Variants in PDZD8 observed in about 807,000 individuals in gnomAD.
PDZD8 encodes PDZ domain containing 8, also known as PDZ domain-containing protein 8.
In PDZD8, 14 loss-of-function variants were observed where a neutral mutation model predicts 85.8. The observed-to-expected ratio is 0.16, with a 90% confidence interval of 0.11 to 0.26. The LOEUF (loss-of-function observed/expected upper bound fraction) is 0.26, where lower values mean the gene tolerates loss of function less well. Among genes scored for constraint, PDZD8 ranks in the 10% least tolerant of loss-of-function variants. The pLI, the probability that PDZD8 is intolerant of heterozygous loss-of-function variation, is 1.00. For missense variants in PDZD8, 1,197 were observed against 1,424.3 expected (o/e 0.84, Z 2.57); for synonymous variants, 592 against 568.6 (o/e 1.04, Z -0.59).
At chr10:117,339,267 G>A (rs1007105371) in intron 2 of PDZD8, among the ~76,000 whole-genome samples, 1 of 152,032 alleles carries the variant, frequency 6.6e-6, no homozygotes, top group Non-Finnish European at 1.5e-5. Flanking sequence ...ATTATGGGTT[G>A]GAAATAAAAG....
intron 3 of PDZD8, among the ~76,000 whole-genome samples, chr10:117,304,705 T>C (rs936133976): frequency 6.6e-6 from 1 of 152,130 alleles, no homozygotes; most frequent in African/African-American, 2.4e-5. Context: ...GCAAATAGTC[T>C]CAAGAGATCT....
intron 3 of PDZD8, among the ~76,000 whole-genome samples, chr10:117,294,443 C>A (rs560069501): frequency 6.6e-6 from 1 of 151,986 alleles, no homozygotes; most frequent in African/African-American, 2.4e-5. Flanking sequence ...AAAAACAGTA[C>A]AGTGGTTCCT....
intron 2 of PDZD8, among the ~76,000 whole-genome samples, chr10:117,324,232 A>AAAAAAGAC (rs1278760915): frequency 2.1e-5 from 3 of 146,096 alleles, no homozygotes; most frequent in African/African-American, 8.1e-5. Flanking sequence ...AAAAAAAAAA[A>AAAAAAGAC]AAGACAAGAG....
At position 117,375,050 on chromosome 10, in the gene PDZD8, G is replaced by C. The variant is rs761634561; in HGVS notation, c.178C>G (p.Leu60Val). The C allele has an allele frequency of 1.0e-5, 16 of 1,599,572 alleles. No individual in the cohort carries two copies. The highest frequency in any genetic ancestry group is 1.3e-5 in the Non-Finnish European group (15 of 1,174,812). The part of the protein sequence containing the change: ...PVPGLLLREY[L>V]YGGGRDEEPS... ...TCCTCATCCCGGCCGCCGCCATAAA[G>C]GTACTCCCTTAGGAGCAGGCCCGGC... Residue 60 changes from leucine (L) to valine (V), a missense_variant, in exon 1 of 5, where the codon CTT becomes GTT. Physicochemically the swap from Leu to Val is conservative, Grantham distance 32. This residue lies in a region of PDZD8 where 172 missense variants were observed against 137.8 expected (regional missense o/e 1.25). Coordinates refer to ENST00000334464, the MANE Select transcript of PDZD8 (RefSeq NM_173791.5).
At chr10:117,324,437 C>T (rs1844281434) in intron 2 of PDZD8, among the ~76,000 whole-genome samples, 1 of 151,962 alleles carries the variant, frequency 6.6e-6, no homozygotes, top group Non-Finnish European at 1.5e-5. Context: ...ATTTCTTTGT[C>T]AATTGCTGAT....
At chr10:117,291,505 G>C (rs921005442) in intron 3 of PDZD8, among the ~76,000 whole-genome samples, 6 of 144,658 alleles carry the variant, frequency 4.1e-5, no homozygotes, top group Non-Finnish European at 7.5e-5. Flanking sequence ...CTCCAGCCCG[G>C]GCAACAAAGC....
intron 2 of PDZD8, among the ~76,000 whole-genome samples, chr10:117,330,331 A>G (rs1806529263): frequency 6.6e-6 from 1 of 152,142 alleles, no homozygotes; most frequent in African/African-American, 2.4e-5. Context: ...GAACACTCCT[A>G]CAGGGAAATC....
In PDZD8 at chr10:117,285,360, A is replaced by G. The variant is rs1362598966; in HGVS notation, c.1373T>C (p.Leu458Pro). Reference protein sequence around the residue: ...PVGQSNQGAVLQDNFGQLEEN... With the variant: ...PVGQSNQGAVPQDNFGQLEEN... ...TTCCAACTGGCCAAAGTTATCTTGC[A>G]GCACTGCACCTTGATTACTCTGGCC... The change falls in exon 5 of 5, where the codon CTG (leucine) becomes CCG (proline). Residue 458 changes from leucine (L) to proline (P), a missense_variant. Leu to Pro is a moderately conservative substitution (Grantham distance 98). Coordinates refer to ENST00000334464, the MANE Select transcript of PDZD8 (RefSeq NM_173791.5). 2 of 1,614,182 alleles carry G rather than the reference A, an allele frequency of 1.2e-6. No homozygotes were observed. The highest frequency in any genetic ancestry group is 1.7e-6 in the Non-Finnish European group (2 of 1,180,038).
chr10:117,289,288 G>A (rs1477597927), intron 4 of PDZD8, among the ~76,000 whole-genome samples: 1 of 152,202 alleles, frequency 6.6e-6, no homozygotes, highest in African/African-American at 2.4e-5. Flanking sequence ...TTGTCAAGGT[G>A]GATTTGAATC....
At chr10:117,350,042 C>A (rs1039548509) in intron 1 of PDZD8, among the ~76,000 whole-genome samples, 1 of 152,060 alleles carries the variant, frequency 6.6e-6, no homozygotes. Context: ...GTATAGCTAA[C>A]ACTTATTACA....
At chr10:117,292,009 T>C (rs1844776056) in intron 3 of PDZD8, among the ~76,000 whole-genome samples, 1 of 152,194 alleles carries the variant, frequency 6.6e-6, no homozygotes, top group Non-Finnish European at 1.5e-5. Context: ...ATGAGGGACT[T>C]TGCCAAATAC....
intron 3 of PDZD8, among the ~76,000 whole-genome samples, chr10:117,300,633 C>T (rs570755204): frequency 6.6e-6 from 1 of 152,134 alleles, no homozygotes; most frequent in South Asian, 2.1e-4. Flanking sequence ...ATGTGTTCCC[C>T]CATCCCCAAC....
In PDZD8 at chr10:117,375,267, A is replaced by C. The variant is rs770824473; in HGVS notation, c.-40T>G. The C allele has an allele frequency of 4.2e-6, 6 of 1,420,792 alleles. No homozygotes were observed. The Admixed American group carries it at 1.7e-4, about 41-fold the overall frequency. The allele number at this position is 1,420,792 out of a possible 1,614,324, so 88.0% of individuals were successfully genotyped here. A position where few individuals can be genotyped will look rare whatever the true frequency, so the allele number is the denominator to read the frequency against. On this transcript the variant is annotated 5_prime_UTR_variant, in exon 1 of 5. Transcript: ENST00000334464. ...CGCCCGGGCCCCTACTCCCGCGCCC[A>C]CAGCGCCGCTTTCTTCACGCCGCCG...
At chr10:117,295,545 C>T (rs947014554) in intron 3 of PDZD8, among the ~76,000 whole-genome samples, 24 of 152,208 alleles carry the variant, frequency 1.6e-4, no homozygotes, top group South Asian at 1.0e-3. Context: ...GTTGCTTCAT[C>T]GGTGAATTCT....
At chr10:117,323,095 G>A (rs529522194) in intron 2 of PDZD8, among the ~76,000 whole-genome samples, 1 of 152,126 alleles carries the variant, frequency 6.6e-6, no homozygotes, top group East Asian at 1.9e-4. Flanking sequence ...CCTTATTAAA[G>A]ATAATTTAGA....
rs1205334120 is a variant in PDZD8, at chr10:117,283,925, C to T, written c.2808G>A (p.Arg936=). The change falls in exon 5 of 5, where the codon AGG becomes AGA. Residue 936 remains arginine, a synonymous_variant. Coordinates refer to ENST00000334464, the MANE Select transcript of PDZD8 (RefSeq NM_173791.5). ...AACGAGAACTAGTATTGATAATATG[C>T]CTTGTCAAACCTGTTGTTTTATTGA... ...KSVNKTTGLT[R]HIINTSSRLL... The T allele has an allele frequency of 1.2e-6, 2 of 1,614,034 alleles. No individual in the cohort carries two copies. Among genetic ancestry groups the T allele is most frequent in the Non-Finnish European group, 8.5e-7 (1 of 1,180,042 alleles).
intron 3 of PDZD8, among the ~76,000 whole-genome samples, chr10:117,312,487 T>C (rs1242568703): frequency 6.6e-6 from 1 of 152,134 alleles, no homozygotes; most frequent in Non-Finnish European, 1.5e-5. Flanking sequence ...GAAACTCTAC[T>C]AGGTGCAGGA....
chr10:117,362,761 A>C (rs1422404892), intron 1 of PDZD8, among the ~76,000 whole-genome samples: 1 of 152,068 alleles, frequency 6.6e-6, no homozygotes, highest in African/African-American at 2.4e-5. Context: ...CACTGTATTC[A>C]CTGACTTTAT....
Position 117,307,248 on chromosome 10 carries a change from T to C in PDZD8, c.1098+11624A>G, listed in dbSNP as rs984428272. Among the ~76,000 whole-genome samples the C allele has an allele frequency of 2.6e-5, 4 of 152,206 alleles. No homozygotes were observed. The South Asian group carries it at 6.2e-4, about 24-fold the overall frequency. The stretch of plus-strand genomic sequence containing the variant: ...TAGTCTTCTTTATAGGTTTCTAATT[T>C]TTTTTAAATGGGGGAAAATTGCCCA... On this transcript the variant is annotated intron_variant, in intron 3 of 4. Coordinates refer to ENST00000334464, the MANE Select transcript of PDZD8 (RefSeq NM_173791.5).
Sources: gnomAD v4.1 joint callset for allele counts (sites outside exome capture counted in the v4.1 genomes callset) on GRCh38, gnomAD v4.1.1 for gene constraint, gnomAD v4.1.1 regional missense constraint, MANE v1.5 for transcripts, NCBI Gene and HGNC (gene_info 2026-07-23, HGNC 2026-07-21) for gene names.